The following GARRE1 variants were observed in gnomAD, a reference collection of about 807,000 sequenced individuals.
GARRE1 encodes granule associated Rac and RHOG effector 1, also known as granule associated Rac and RHOG effector protein 1.
Under a neutral mutation model 103.2 loss-of-function variants are expected in GARRE1, and 49 were observed. The ratio of observed to expected loss-of-function variants is 0.47; its 90% CI spans 0.38 to 0.60. The LOEUF (loss-of-function observed/expected upper bound fraction) is 0.60. GARRE1 is among the 20% of genes least tolerant of loss of function. The pLI, the probability that GARRE1 is intolerant of heterozygous loss-of-function variation, is 0.00. For synonymous variants in GARRE1, 505 were observed against 532.8 expected, an observed-to-expected ratio of 0.95 and a Z score of 0.72; for missense variants, 1,199 against 1,370.5, an observed-to-expected ratio of 0.87 and a Z score of 1.98.
intron 1 of GARRE1, among the ~76,000 whole-genome samples, chr19:34,265,375 C>T (rs1291853956): frequency 1.3e-5 from 2 of 152,134 alleles, no homozygotes; most frequent in African/African-American, 4.8e-5. Flanking sequence ...TCCTGGGTGT[C>T]AAGGTGGGAG....
At chr19:34,290,697 C>G (rs1043196367) in intron 1 of GARRE1, among the ~76,000 whole-genome samples, 1 of 151,742 alleles carries the variant, frequency 6.6e-6, no homozygotes, top group Non-Finnish European at 1.5e-5. Context: ...CTGTGTTGCC[C>G]GGGCTGGTCT....
chr19:34,262,287 C>CTTTTGTTTTTTTT (rs2073723115), intron 1 of GARRE1, among the ~76,000 whole-genome samples: 1 of 35,750 alleles, frequency 2.8e-5, no homozygotes, highest in Non-Finnish European at 5.5e-5. Context: ...CCAGCTGCTG[C>CTTTTGTTTTTTTT]TTTTTTTTTT....
intron 2 of GARRE1, among the ~76,000 whole-genome samples, chr19:34,302,751 T>G (rs1159553068): frequency 6.6e-6 from 1 of 151,108 alleles, no homozygotes; most frequent in Non-Finnish European, 1.5e-5. Flanking sequence ...TTTTTTTTTT[T>G]TTTTTTTTTA....
At chr19:34,275,222 A>AT (rs1243478242) in intron 1 of GARRE1, among the ~76,000 whole-genome samples, 2 of 144,132 alleles carry the variant, frequency 1.4e-5, no homozygotes, top group East Asian at 4.1e-4. Context: ...TCATCTTTAT[A>AT]TTTTTTGTAA....
In GARRE1 at chr19:34,333,677, GTTTTTT is replaced by G; in HGVS notation, c.1264-15_1264-10del. The G allele has an allele frequency of 5.9e-6, 4 of 673,572 alleles. No individual in the cohort carries two copies. The highest frequency in any genetic ancestry group is 9.8e-6 in the Non-Finnish European group (4 of 408,176). The allele number at this position is 673,572 out of a possible 1,614,324, so 41.7% of individuals were successfully genotyped here. A position where few individuals can be genotyped will look rare whatever the true frequency, so the allele number is the denominator to read the frequency against. On this transcript the variant is annotated intron_variant, in intron 7 of 13. Transcript: ENST00000299505. ...TCTCTCTGAAAGCTGGTTGTTATTT[GTTTTTT>G]TTTTTTTTTTTCGATCTTAGGTGGT...
At chr19:34,271,245 CTTTTTT>C (rs1199086211) in intron 1 of GARRE1, among the ~76,000 whole-genome samples, 2 of 105,688 alleles carry the variant, frequency 1.9e-5, no homozygotes, top group Admixed American at 9.7e-5. Context: ...TGTGCACTTT[CTTTTTT>C]TTTTTTTTTT....
At chr19:34,307,598 C>T (rs542595460) in intron 2 of GARRE1, among the ~76,000 whole-genome samples, 14 of 144,200 alleles carry the variant, frequency 9.7e-5, no homozygotes, top group East Asian at 4.0e-4. Flanking sequence ...TATACACATA[C>T]GCACACACAT....
intron 1 of GARRE1, among the ~76,000 whole-genome samples, chr19:34,271,469 C>A (rs540946257): frequency 6.6e-6 from 1 of 151,922 alleles, no homozygotes; most frequent in South Asian, 2.1e-4. Flanking sequence ...AGGCTGGTCT[C>A]GATCTCCTGA....
Position 34,333,767 on chromosome 19 carries a change from G to C in GARRE1, c.1327G>C (p.Gly443Arg). 2 of 1,590,398 alleles carry C rather than the reference G, an allele frequency of 1.3e-6. No individual in the cohort carries two copies. Among genetic ancestry groups the C allele is most frequent in the Non-Finnish European group, 1.7e-6 (2 of 1,165,500 alleles). Reference sequence around the variant, plus strand: ...CTATGCCCCCCAGATCAGTTTAGAAGGCTCTAGAATCGTGGTTCAAGTCCC... The same window carrying C: ...CTATGCCCCCCAGATCAGTTTAGAACGCTCTAGAATCGTGGTTCAAGTCCC... ...EAYAPQISLE[G>R]SRIVVQVPST... The change falls in exon 8 of 14, where the codon GGC (glycine) becomes CGC (arginine). Residue 443 changes from glycine (G) to arginine (R), a missense_variant. Physicochemically the swap from Gly to Arg is moderately radical, Grantham distance 125 (BLOSUM62 -2). Coordinates refer to ENST00000299505, the MANE Select transcript of GARRE1 (RefSeq NM_014686.5).
intron 12 of GARRE1, among the ~76,000 whole-genome samples, chr19:34,350,926 C>T (rs1022240467): frequency 5.9e-5 from 9 of 151,964 alleles, no homozygotes; most frequent in Admixed American, 2.0e-4. Context: ...CGGCCGGACT[C>T]GGTGGCTCAC....
intron 1 of GARRE1, chr19:34,296,143 G>A (rs1291917434): frequency 6.3e-6 from 2 of 315,648 alleles, no homozygotes; most frequent in Non-Finnish European, 1.0e-5. Context: ...AGTCATCCTG[G>A]ATCCCTCGCT....
intron 1 of GARRE1, among the ~76,000 whole-genome samples, chr19:34,294,465 C>G (rs1179394810): frequency 1.3e-5 from 2 of 151,778 alleles, no homozygotes; most frequent in Non-Finnish European, 2.9e-5. Flanking sequence ...AAAATCGTTG[C>G]TATCTTTTAT....
At chr19:34,331,227 T>G (rs1474223766) in intron 7 of GARRE1, among the ~76,000 whole-genome samples, 2 of 152,022 alleles carry the variant, frequency 1.3e-5, no homozygotes, top group Non-Finnish European at 2.9e-5. Flanking sequence ...AAACATTACA[T>G]TAGTAACAAG....
intron 1 of GARRE1, among the ~76,000 whole-genome samples, chr19:34,289,296 G>T (rs2073904299): frequency 6.6e-6 from 1 of 152,122 alleles, no homozygotes; most frequent in African/African-American, 2.4e-5. Flanking sequence ...AGCTGGGCTT[G>T]GTGATGCATG....
At chr19:34,350,667 C>T (rs1361050139) in intron 12 of GARRE1, among the ~76,000 whole-genome samples, 2 of 152,082 alleles carry the variant, frequency 1.3e-5, no homozygotes, top group Non-Finnish European at 2.9e-5. Flanking sequence ...CTGCAAGCTC[C>T]GCCTTCCGGG....
At chr19:34,279,432 A>G (rs2073837710) in intron 1 of GARRE1, among the ~76,000 whole-genome samples, 1 of 150,794 alleles carries the variant, frequency 6.6e-6, no homozygotes, top group African/African-American at 2.4e-5. Flanking sequence ...CAGCCTCCCA[A>G]GTAGCTGGGA....
rs1431976180 is a variant in GARRE1, at chr19:34,354,022, G to T, written c.*1067G>T. 2 of 152,550 alleles carry T rather than the reference G, an allele frequency of 1.3e-5. No individual in the cohort carries two copies. Among genetic ancestry groups the T allele is most frequent in the Non-Finnish European group, 2.9e-5 (2 of 68,020 alleles). 9.4% of individuals were successfully genotyped at this position (152,550 alleles called of 1,614,324 possible). A position where few individuals can be genotyped will look rare whatever the true frequency, so the allele number is the denominator to read the frequency against. On this transcript the variant is annotated 3_prime_UTR_variant, in exon 14 of 14. Coordinates refer to ENST00000299505, the MANE Select transcript of GARRE1 (RefSeq NM_014686.5). ...TTTTCCAGCCAGAATGGATCCAGAA[G>T]AATTGAATGGTGCTTAAATTGAGAA...
chr19:34,283,267 T>G (rs905672792), intron 1 of GARRE1, among the ~76,000 whole-genome samples: 1 of 152,190 alleles, frequency 6.6e-6, no homozygotes, highest in Non-Finnish European at 1.5e-5. Flanking sequence ...AAATTTCTCT[T>G]TATAGCTGCA....
intron 1 of GARRE1, among the ~76,000 whole-genome samples, chr19:34,259,314 C>G (rs1217078278): frequency 1.3e-5 from 2 of 152,210 alleles, no homozygotes; most frequent in African/African-American, 4.8e-5. Context: ...TATCCCTACA[C>G]CTCGATTTAG....
Sources: allele counts gnomAD v4.1 joint callset (sites outside exome capture counted in the v4.1 genomes callset), GRCh38; gene constraint gnomAD v4.1.1; transcripts MANE v1.5; gene names NCBI Gene and HGNC (gene_info 2026-07-23, HGNC 2026-07-21).